Variants in EPHA6 observed in about 807,000 individuals in gnomAD.
EPHA6 encodes EPH receptor A6, also known as ephrin type-A receptor 6.
Under a neutral mutation model 112.0 loss-of-function variants are expected in EPHA6, and 50 were observed. The observed-to-expected ratio is 0.45, with a 90% CI of 0.36 to 0.56. The LOEUF (loss-of-function observed/expected upper bound fraction) is 0.56, where lower values mean the gene tolerates loss of function less well. Ranked by LOEUF, EPHA6 falls within the 20% of genes least tolerant of loss-of-function variation. The pLI is 0.00. For synonymous variants in EPHA6, 529 were observed against 490.7 expected (o/e 1.08, Z -1.03); for missense variants, 1,280 against 1,417.4 (o/e 0.90, Z 1.56).
intron 7 of EPHA6, among the ~76,000 whole-genome samples, chr3:97,454,253 C>A (rs976441403): frequency 2.2e-4 from 34 of 151,668 alleles, no homozygotes; most frequent in African/African-American, 8.0e-4. Context: ...AGGCGTAATT[C>A]TTTACTAAGT....
At chr3:97,725,914 A>C (rs2034748201) in intron 15 of EPHA6, among the ~76,000 whole-genome samples, 1 of 152,074 alleles carries the variant, frequency 6.6e-6, no homozygotes, top group African/African-American at 2.4e-5. Flanking sequence ...ATATAATCTT[A>C]GGCAAGTTGT....
At chr3:97,542,800 G>C (rs1030492385) in intron 11 of EPHA6, among the ~76,000 whole-genome samples, 1 of 152,212 alleles carries the variant, frequency 6.6e-6, no homozygotes, top group Non-Finnish European at 1.5e-5. Context: ...ACTGGTGTGA[G>C]ATGGTATCCC....
chr3:97,685,804 G>A (rs1051759074), intron 14 of EPHA6, among the ~76,000 whole-genome samples: 5 of 152,070 alleles, frequency 3.3e-5, no homozygotes, highest in Non-Finnish European at 7.4e-5. Context: ...TTTAACACAT[G>A]GTAATATATA....
At chr3:96,980,678 C>A (rs1207826641) in intron 2 of EPHA6, among the ~76,000 whole-genome samples, 1 of 152,064 alleles carries the variant, frequency 6.6e-6, no homozygotes, top group Non-Finnish European at 1.5e-5. Context: ...TTCTTCCTAC[C>A]CATGAGCATG....
At chr3:97,514,449 A>G (rs1376262380) in intron 10 of EPHA6, among the ~76,000 whole-genome samples, 1 of 152,174 alleles carries the variant, frequency 6.6e-6, no homozygotes, top group Non-Finnish European at 1.5e-5. Context: ...ACATCTGTAA[A>G]GTCTTTTTTG....
At chr3:97,218,352 G>T (rs118049486) in intron 3 of EPHA6, among the ~76,000 whole-genome samples, 5 of 152,032 alleles carry the variant, frequency 3.3e-5, no homozygotes, top group Non-Finnish European at 5.9e-5. Flanking sequence ...AACTGCCTGA[G>T]ACAAGGTAAT....
At chr3:97,741,925 A>G (rs2035521525) in intron 16 of EPHA6, among the ~76,000 whole-genome samples, 1 of 152,144 alleles carries the variant, frequency 6.6e-6, no homozygotes, top group Non-Finnish European at 1.5e-5. Flanking sequence ...GACCTTAGTC[A>G]TGGGAATAAA....
chr3:97,496,354 A>G (rs1251691840), intron 10 of EPHA6, among the ~76,000 whole-genome samples: 1 of 152,154 alleles, frequency 6.6e-6, no homozygotes, highest in Non-Finnish European at 1.5e-5. Context: ...GATGAGCTTT[A>G]CATGCATTAT....
At chr3:97,730,410 T>G (rs2034984807) in intron 15 of EPHA6, among the ~76,000 whole-genome samples, 1 of 152,116 alleles carries the variant, frequency 6.6e-6, no homozygotes, top group African/African-American at 2.4e-5. Flanking sequence ...CCTTCTAACT[T>G]TTCATAAAAA....
At chr3:97,175,919 G>T (rs529089045) in intron 3 of EPHA6, among the ~76,000 whole-genome samples, 2 of 151,844 alleles carry the variant, frequency 1.3e-5, no homozygotes, top group South Asian at 2.1e-4. Context: ...GATTGCTCTA[G>T]ATAGGCCTTC....
At chr3:97,441,303 A>T (rs2090125458) in intron 6 of EPHA6, 1 of 185,334 alleles carries the variant, frequency 5.4e-6, no homozygotes, top group South Asian at 1.8e-4. Flanking sequence ...GAATGCAAAG[A>T]TAGTTCTGCC....
At chr3:97,056,898 G>T (rs1044997298) in intron 3 of EPHA6, among the ~76,000 whole-genome samples, 13 of 152,168 alleles carry the variant, frequency 8.5e-5, no homozygotes, top group Admixed American at 6.5e-4. Flanking sequence ...CTATTATTTT[G>T]ACTGCTACTG....
At chr3:97,353,050 G>A (rs1577065860) in intron 5 of EPHA6, among the ~76,000 whole-genome samples, 1 of 151,986 alleles carries the variant, frequency 6.6e-6, no homozygotes, top group Admixed American at 6.6e-5. Context: ...TCTGCCAGAA[G>A]GAATCCCACT....
chr3:96,858,261 G>A (rs1387447880), intron 1 of EPHA6, among the ~76,000 whole-genome samples: 2 of 152,078 alleles, frequency 1.3e-5, no homozygotes, highest in African/African-American at 4.8e-5. Context: ...GAAGATCAGA[G>A]TCTATTGAGA....
intron 11 of EPHA6, among the ~76,000 whole-genome samples, chr3:97,570,750 G>A (rs1009229406): frequency 1.3e-5 from 2 of 151,990 alleles, no homozygotes; most frequent in Non-Finnish European, 2.9e-5. Flanking sequence ...AAGTATTATG[G>A]AAGCTTTAAA....
At chr3:97,181,999 A>T (rs1157282901) in intron 3 of EPHA6, among the ~76,000 whole-genome samples, 1 of 151,934 alleles carries the variant, frequency 6.6e-6, no homozygotes, top group South Asian at 2.1e-4. Flanking sequence ...CTTTAATTTA[A>T]ACTTGGAATG....
chr3:97,313,723 T>C (rs980624030), intron 5 of EPHA6, among the ~76,000 whole-genome samples: 1 of 151,634 alleles, frequency 6.6e-6, no homozygotes, highest in African/African-American at 2.4e-5. Flanking sequence ...ATTTTAAAAT[T>C]GTTTGTTTTC....
At chr3:97,719,115 G>C (rs1177290658) in intron 14 of EPHA6, among the ~76,000 whole-genome samples, 2 of 31,434 alleles carry the variant, frequency 6.4e-5, no homozygotes, top group African/African-American at 1.3e-4. Flanking sequence ...CCCCGCCGCG[G>C]TAAGTAGTGT....
At chr3:96,864,392 C>G (rs2036186027) in intron 1 of EPHA6, among the ~76,000 whole-genome samples, 1 of 152,014 alleles carries the variant, frequency 6.6e-6, no homozygotes. Flanking sequence ...TTGAAACATG[C>G]AGTGACATAG....
Sources: gnomAD v4.1 joint callset for allele counts (sites outside exome capture counted in the v4.1 genomes callset) on GRCh38, gnomAD v4.1.1 for gene constraint, MANE v1.5 for transcripts, NCBI Gene and HGNC (gene_info 2026-07-23, HGNC 2026-07-21) for gene names.